Variants in AZI2 observed in about 807,000 individuals in gnomAD.
AZI2 encodes 5-azacytidine-induced protein 2.
A neutral mutation model predicts 45.8 loss-of-function variants in AZI2; 22 were observed. The ratio of observed to expected loss-of-function variants is 0.48; its 90% CI spans 0.34 to 0.69. AZI2 has a LOEUF of 0.69. Among genes scored for constraint, AZI2 ranks in the 30% least tolerant of loss-of-function variants. The probability of loss-of-function intolerance (pLI) is 0.01; values close to 1 mark genes in which losing one functional copy is unlikely to be tolerated. For synonymous variants in AZI2, 137 were observed against 156.7 expected (o/e 0.87, Z 0.94); for missense variants, 417 against 441.5 (o/e 0.94, Z 0.50).
chr3:28,338,208 A>G (rs1265971425), intron 3 of AZI2, among the ~76,000 whole-genome samples, 172 bp from the exon 4 acceptor site: 1 of 151,364 alleles, frequency 6.6e-6, no homozygotes, highest in Non-Finnish European at 1.5e-5. Context: ...TTAGGACATC[A>G]TTATTCACTG....
rs1441984251 is a variant in AZI2 at position 28,346,474 on chromosome 3, G to A, written c.-6+2127C>T. On this transcript the variant is annotated intron_variant, in intron 1 of 7. Coordinates refer to ENST00000479665, the MANE Select transcript of AZI2 (RefSeq NM_022461.5). ...CTCAAGTCCACACCAAACTTGGCAAGAAAGGTATTAGCACCATGATAAATG... is the reference window on the plus strand; with the variant it reads ...CTCAAGTCCACACCAAACTTGGCAAAAAAGGTATTAGCACCATGATAAATG... 2.0e-5 allele frequency among the ~76,000 whole-genome samples: 3 copies of A among 152,240 alleles called. No homozygotes were observed. In the East Asian group the frequency reaches 5.8e-4, roughly 29 times the overall value.
chr3:28,340,774 G>C (rs757854560), intron 1 of AZI2, among the ~76,000 whole-genome samples, 152 bp from the exon 2 acceptor site: 9 of 152,050 alleles, frequency 5.9e-5, no homozygotes, highest in Non-Finnish European at 1.3e-4. Context: ...TTTAGTGTCT[G>C]ACTTTGGGCA....
intron 1 of AZI2, among the ~76,000 whole-genome samples, chr3:28,347,559 A>C (rs1308241955): frequency 6.6e-6 from 1 of 152,184 alleles, no homozygotes; most frequent in Non-Finnish European, 1.5e-5. Context: ...AGATAAGGAA[A>C]ATGAAGAAAA....
chr3:28,343,272 T>C (rs758495962), intron 1 of AZI2, among the ~76,000 whole-genome samples: 1 of 151,984 alleles, frequency 6.6e-6, no homozygotes, highest in Admixed American at 6.6e-5. Context: ...GTGAAGAGGA[T>C]GGTTATTTTC....
chr3:28,343,534 GA>G (rs1476551243), intron 1 of AZI2, among the ~76,000 whole-genome samples: 2 of 151,646 alleles, frequency 1.3e-5, no homozygotes, highest in East Asian at 1.9e-4. Context: ...TTACAATGTT[GA>G]TTTTTTTTTT....
chr3:28,323,937 G>T lies in AZI2; in HGVS notation c.*105C>A. On this transcript the variant is annotated 3_prime_UTR_variant, in exon 8 of 8. Transcript: ENST00000479665. ...TCAAATATAGATACTGAAGACCTCTGCAAAATTTTAATCAAAATCTCCTTT... is the reference window on the plus strand; with the variant it reads ...TCAAATATAGATACTGAAGACCTCTTCAAAATTTTAATCAAAATCTCCTTT... 7.4e-7 allele frequency: 1 copy of T among 1,354,908 alleles called. No individual in the cohort carries two copies. Among genetic ancestry groups the T allele is most frequent in the Non-Finnish European group, 1.0e-6 (1 of 991,532 alleles). 83.9% of individuals were successfully genotyped at this position (1,354,908 alleles called of 1,614,324 possible).
intron 4 of AZI2, among the ~76,000 whole-genome samples, chr3:28,337,658 T>G (rs528486958): frequency 6.6e-6 from 1 of 152,290 alleles, no homozygotes; most frequent in South Asian, 2.1e-4. Context: ...TTCTACTTCT[T>G]GCTTCTGGGC....
intron 2 of AZI2, 103 bp from the exon 3 acceptor site, chr3:28,338,718 G>T: frequency 9.4e-7 from 1 of 1,064,688 alleles, no homozygotes. Flanking sequence ...TCGTAATAAG[G>T]GGATAAAGCC....
intron 6 of AZI2, among the ~76,000 whole-genome samples, chr3:28,327,580 A>T (rs910633162): frequency 6.6e-5 from 10 of 151,100 alleles, no homozygotes; most frequent in African/African-American, 2.2e-4. Context: ...AGGGAAGATT[A>T]TATGAAACAG....
chr3:28,346,582 A>T (rs868535341), intron 1 of AZI2, among the ~76,000 whole-genome samples: 1 of 150,306 alleles, frequency 6.7e-6, no homozygotes, highest in African/African-American at 2.4e-5. Flanking sequence ...ATCAAGGCCT[A>T]TATGGTAGGC....
intron 7 of AZI2, among the ~76,000 whole-genome samples, chr3:28,326,300 T>C (rs1703385202): frequency 6.6e-6 from 1 of 151,018 alleles, no homozygotes; most frequent in African/African-American, 2.4e-5. Flanking sequence ...TTTTGTTTGG[T>C]TGAAGGGCAT....
chr3:28,322,875 A>C lies in AZI2; in HGVS notation c.*1167T>G, dbSNP rs1412687435. On this transcript the variant is annotated 3_prime_UTR_variant, in exon 8 of 8. Transcript: ENST00000479665. ...AGATATATGAAACTGTCTATCAAAA[A>C]GGATAAAAGTCCTCCTACATGAAAT... 1 of 151,226 alleles carries C rather than the reference A, an allele frequency of 6.6e-6. No individual in the cohort carries two copies. Among genetic ancestry groups the C allele is most frequent in the Non-Finnish European group, 1.5e-5 (1 of 67,416 alleles). The allele number at this position is 151,226 out of a possible 1,614,324, so 9.4% of individuals were successfully genotyped here. A position where few individuals can be genotyped will look rare whatever the true frequency, so the allele number is the denominator to read the frequency against.
chr3:28,327,960 CACTT>C lies in AZI2; in HGVS notation c.648-1014_648-1011del, dbSNP rs759910157. Among the ~76,000 whole-genome samples, 319 of 150,490 alleles carry C rather than the reference CACTT, an allele frequency of 2.1e-3. 2 individuals are homozygous for C. The highest frequency in any genetic ancestry group is 3.4e-3 in the Non-Finnish European group (226 of 67,136). On this transcript the variant is annotated intron_variant, in intron 6 of 7. Coordinates refer to ENST00000479665, the MANE Select transcript of AZI2 (RefSeq NM_022461.5). ...GCTTCAATTTTTGTGTTGCCATAAA[CACTT>C]AAACTTCAAAAGGATAACATTTTTG...
chr3:28,325,246 C>T (rs1429099312), intron 7 of AZI2: 1 of 150,928 alleles, frequency 6.6e-6, no homozygotes, highest in Non-Finnish European at 1.5e-5. Context: ...CAGGTTTCTC[C>T]ACTCCCTCCA....
In AZI2 at chr3:28,348,600, C is replaced by T. The variant is rs1484284099; in HGVS notation, c.-6+1G>A. ...CCACCCGTCCCTGGCGAGTCACTCA[C>T]CCAGAAGCCAGGCTACGTAGGGCCG... On this transcript the variant is annotated splice_donor_variant, in intron 1 of 7. Transcript: ENST00000479665. LOFTEE classifies it low-confidence loss of function (5UTR_SPLICE). 6.5e-6 allele frequency: 1 copy of T among 152,760 alleles called. No homozygotes were observed. The highest frequency in any genetic ancestry group is 2.4e-5 in the African/African-American group (1 of 41,464). 9.5% of individuals were successfully genotyped at this position (152,760 alleles called of 1,614,324 possible).
At chr3:28,342,560 A>G (rs12054402) in intron 1 of AZI2, among the ~76,000 whole-genome samples, 13,895 of 152,094 alleles carry the variant, frequency 0.091, 1,302 homozygotes, top group East Asian at 0.47. Flanking sequence ...TCCAGATTCA[A>G]TGATATTCCA....
chr3:28,338,069 C>A, intron 3 of AZI2, 33 bp from the exon 4 acceptor site: 2 of 1,282,858 alleles, frequency 1.6e-6, no homozygotes, highest in Non-Finnish European at 2.2e-6. Context: ...AAATTACATT[C>A]AATAAAATCT....
chr3:28,344,961 T>C (rs2125670896), intron 1 of AZI2, among the ~76,000 whole-genome samples: 1 of 152,224 alleles, frequency 6.6e-6, no homozygotes, highest in South Asian at 2.1e-4. Flanking sequence ...TGAAAATCAG[T>C]AATAAATGTA....
intron 5 of AZI2, among the ~76,000 whole-genome samples, chr3:28,333,606 G>C (rs1433697948): frequency 6.6e-6 from 1 of 151,478 alleles, no homozygotes; most frequent in Non-Finnish European, 1.5e-5. Flanking sequence ...GACAGTTTGA[G>C]TGGGAAAATG....
Sources: allele counts gnomAD v4.1 joint callset (sites outside exome capture counted in the v4.1 genomes callset), GRCh38; gene constraint gnomAD v4.1.1; transcripts MANE v1.5; gene names NCBI Gene and HGNC (gene_info 2026-07-23, HGNC 2026-07-21).